Variants in MARCHF9 observed in about 807,000 individuals in gnomAD.
The protein encoded by MARCHF9 is E3 ubiquitin-protein ligase MARCHF9.
Under a neutral mutation model 35.2 loss-of-function variants are expected in MARCHF9, and 17 were observed. The ratio of observed to expected loss-of-function variants is 0.48; its 90% CI spans 0.33 to 0.72. MARCHF9 has a LOEUF of 0.72. MARCHF9 is among the 30% of genes least tolerant of loss of function. MARCHF9 has a pLI of 0.02. For missense variants in MARCHF9, 386 were observed against 478.2 expected, an observed-to-expected ratio of 0.81 and a Z score of 1.80; for synonymous variants, 183 against 207.4, an observed-to-expected ratio of 0.88 and a Z score of 1.01.
intron 1 of MARCHF9, 119 bp downstream of exon 1, chr12:57,756,004 G>A (rs1955284703): frequency 2.9e-6 from 2 of 678,472 alleles, no homozygotes; most frequent in Non-Finnish European, 4.2e-6. Context: ...ACACGGAGTG[G>A]GAATGGGGTG....
Position 57,759,062 on chromosome 12 carries a change from C to A in MARCHF9, c.*165C>A. ...TGGAGACATTGTCTGGCCTCACTGC[C>A]CACTGGGTAGAGACACCTGGATGAC... On this transcript the variant is annotated 3_prime_UTR_variant, in exon 4 of 4. Transcript: ENST00000266643. 1.5e-6 allele frequency: 1 copy of A among 684,072 alleles called. No individual in the cohort carries two copies. The highest frequency in any genetic ancestry group is 2.4e-6 in the Non-Finnish European group (1 of 421,964). The allele number at this position is 684,072 out of a possible 1,614,324, so 42.4% of individuals were successfully genotyped here.
chr12:57,759,032 C>A lies in MARCHF9; in HGVS notation c.*135C>A. 1.1e-6 allele frequency: 1 copy of A among 884,098 alleles called. No individual in the cohort carries two copies. Among genetic ancestry groups the A allele is most frequent in the Non-Finnish European group, 1.7e-6 (1 of 599,784 alleles). 54.8% of individuals were successfully genotyped at this position (884,098 alleles called of 1,614,324 possible). On this transcript the variant is annotated 3_prime_UTR_variant, in exon 4 of 4. Coordinates refer to ENST00000266643, the MANE Select transcript of MARCHF9 (RefSeq NM_138396.6). Reference sequence around the variant, plus strand: ...CACCGAGGATCTGTGTGGGTAGCCTCAAGCTGGAGACATTGTCTGGCCTCA... The same window carrying A: ...CACCGAGGATCTGTGTGGGTAGCCTAAAGCTGGAGACATTGTCTGGCCTCA...
Position 57,760,170 on chromosome 12 carries a change from G to A in MARCHF9, c.*1273G>A. The stretch of plus-strand genomic sequence containing the variant: ...ATTTCCATGGCAGTTTAGGGTCACA[G>A]GTTTGATCCCGGTGTGCCCAGCCAG... On this transcript the variant is annotated 3_prime_UTR_variant, in exon 4 of 4. Transcript: ENST00000266643. 6.6e-6 allele frequency: 1 copy of A among 152,238 alleles called. No individual in the cohort carries two copies. Among genetic ancestry groups the A allele is most frequent in the African/African-American group, 2.4e-5 (1 of 41,448 alleles). 9.4% of individuals were successfully genotyped at this position (152,238 alleles called of 1,614,324 possible).
At chr12:57,756,071 G>T (rs1415853689) in intron 1 of MARCHF9, 186 bp downstream of exon 1, 1 of 366,928 alleles carries the variant, frequency 2.7e-6, no homozygotes, top group African/African-American at 2.2e-5. Context: ...GAGGGTCAAG[G>T]GTCCCCAGGA....
Position 57,757,007 on chromosome 12 carries a change from G to C in MARCHF9, c.436G>C (p.Glu146Gln). Residue 146 changes from glutamate to glutamine, a missense_variant, in exon 2 of 4, where the codon GAG (glutamate) becomes CAG (glutamine). Physicochemically the swap from Glu to Gln is conservative, Grantham distance 29. Coordinates refer to ENST00000266643, the MANE Select transcript of MARCHF9 (RefSeq NM_138396.6). ...GCCCTGCCTCATCCGCTGGATCAGC[G>C]AGAGGGGCTCCTGGAGCTGTGAGCT... Reference protein sequence around the residue: ...HQPCLIRWISERGSWSCELCY... With the variant: ...HQPCLIRWISQRGSWSCELCY... 6.3e-7 allele frequency: 1 copy of C among 1,585,424 alleles called. No individual in the cohort carries two copies. Among genetic ancestry groups the C allele is most frequent in the Non-Finnish European group, 8.6e-7 (1 of 1,165,082 alleles).
In MARCHF9 at chr12:57,757,173, T is replaced by C. The variant is rs542824964; in HGVS notation, c.513+89T>C. ...CCTCCAGGAAGCCTATTTCATTTACTCTTTTCCCAAAGCCACCCTTCCCCG... is the reference window on the plus strand; with the variant it reads ...CCTCCAGGAAGCCTATTTCATTTACCCTTTTCCCAAAGCCACCCTTCCCCG... On this transcript the variant is annotated intron_variant, in intron 2 of 3. Transcript: ENST00000266643. 2.9e-6 allele frequency: 4 copies of C among 1,392,052 alleles called. No individual in the cohort carries two copies. The South Asian group carries it at 6.3e-5, about 22-fold the overall frequency. The allele number at this position is 1,392,052 out of a possible 1,614,324, so 86.2% of individuals were successfully genotyped here. A position where few individuals can be genotyped will look rare whatever the true frequency, so the allele number is the denominator to read the frequency against.
Position 57,759,227 on chromosome 12 carries a change from G to A in MARCHF9, c.*330G>A, listed in dbSNP as rs1429686450. 6.8e-6 allele frequency: 2 copies of A among 292,898 alleles called. No homozygotes were observed. Among genetic ancestry groups the A allele is most frequent in the Non-Finnish European group, 1.3e-5 (2 of 155,070 alleles). 18.1% of individuals were successfully genotyped at this position (292,898 alleles called of 1,614,324 possible). A position where few individuals can be genotyped will look rare whatever the true frequency, so the allele number is the denominator to read the frequency against. On this transcript the variant is annotated 3_prime_UTR_variant, in exon 4 of 4. Transcript: ENST00000266643. ...TCCAGCCCCCCAGCTCCACCACGGT[G>A]ACTTGGTGAAGGGGGACCAATGCCA...
Position 57,758,177 on chromosome 12 carries a change from C to A in MARCHF9, c.583C>A (p.Leu195Met), listed in dbSNP as rs1955298713. 1 of 1,614,238 alleles carries A rather than the reference C, an allele frequency of 6.2e-7. No individual in the cohort carries two copies. Among genetic ancestry groups the A allele is most frequent in the East Asian group, 2.2e-5 (1 of 44,878 alleles). ...TGCCATAGTTCTGGGCTCGCTCTTC[C>A]TGGTTGCCAGCATCTCCTGGCTCAT... is the stretch of plus-strand genomic sequence containing the variant. ...IAAIVLGSLF[L>M]VASISWLIWS... The change falls in exon 3 of 4, where the codon CTG becomes ATG. Residue 195 changes from leucine to methionine, a missense_variant. By Grantham distance (15) the Leu-to-Met change is conservative (BLOSUM62 2). Coordinates refer to ENST00000266643, the MANE Select transcript of MARCHF9 (RefSeq NM_138396.6). This position sits in a 1 kb window ranked among gnomAD's most constrained non-coding sequence, Gnocchi z 5.4.
chr12:57,758,414 G>A lies in MARCHF9; in HGVS notation c.706+114G>A. 3 of 1,369,740 alleles carry A rather than the reference G, an allele frequency of 2.2e-6. No individual in the cohort carries two copies. Among genetic ancestry groups the A allele is most frequent in the Non-Finnish European group, 3.0e-6 (3 of 1,016,490 alleles). The allele number at this position is 1,369,740 out of a possible 1,614,324, so 84.8% of individuals were successfully genotyped here. A position where few individuals can be genotyped will look rare whatever the true frequency, so the allele number is the denominator to read the frequency against. The stretch of plus-strand genomic sequence containing the variant: ...ATTTTCTGCCACTGTAGCCTTTAGT[G>A]CTATCCTGGTGCCCCCTCAACCCAC... On this transcript the variant is annotated intron_variant, in intron 3 of 3. Coordinates refer to ENST00000266643, the MANE Select transcript of MARCHF9 (RefSeq NM_138396.6). This position sits in a 1 kb window ranked among gnomAD's most constrained non-coding sequence, Gnocchi z 5.4.
rs908657338 is a variant in MARCHF9, at chr12:57,758,690, G to A, written c.834G>A (p.Thr278=). The A allele has an allele frequency of 1.2e-5, 20 of 1,612,720 alleles. No individual in the cohort carries two copies. The highest frequency in any genetic ancestry group is 2.2e-5 in the East Asian group (1 of 44,862). The change falls in exon 4 of 4, where the codon ACG becomes ACA. Residue 278 remains threonine (T), a synonymous_variant. Coordinates refer to ENST00000266643, the MANE Select transcript of MARCHF9 (RefSeq NM_138396.6). The surrounding 1 kb of genome is among the most constrained non-coding windows in gnomAD (Gnocchi z 5.4). The part of the protein sequence containing the change: ...KDIGGDAGGG[T]AGKSGPRNSR... The stretch of plus-strand genomic sequence containing the variant: ...TAGGAGGAGATGCAGGGGGAGGGAC[G>A]GCAGGGAAGTCAGGCCCCAGGAACT...
In MARCHF9 at chr12:57,758,350, A is replaced by G. The variant is rs1955299823; in HGVS notation, c.706+50A>G. On this transcript the variant is annotated intron_variant, in intron 3 of 3. Coordinates refer to ENST00000266643, the MANE Select transcript of MARCHF9 (RefSeq NM_138396.6). This position sits in a 1 kb window ranked among gnomAD's most constrained non-coding sequence, Gnocchi z 5.4. ...CCTGCTCTGTATCTTCCTCTTACAC[A>G]CCTAACTCCCCTGCCCATCCCCTCA... The G allele has an allele frequency of 1.3e-6, 2 of 1,552,414 alleles. No individual in the cohort carries two copies. Among genetic ancestry groups the G allele is most frequent in the Non-Finnish European group, 1.8e-6 (2 of 1,142,190 alleles).
rs1955310370 is a variant in MARCHF9 at position 57,760,120 on chromosome 12, T to C, written c.*1223T>C. On this transcript the variant is annotated 3_prime_UTR_variant, in exon 4 of 4. Coordinates refer to ENST00000266643, the MANE Select transcript of MARCHF9 (RefSeq NM_138396.6). Reference sequence around the variant, plus strand: ...GAGGGAATCCCCCCACTCAGTGTTATGAGTCTCCAACCCCAGTTTAAGCTA... The same window carrying C: ...GAGGGAATCCCCCCACTCAGTGTTACGAGTCTCCAACCCCAGTTTAAGCTA... 1 of 152,222 alleles carries C rather than the reference T, an allele frequency of 6.6e-6. No individual in the cohort carries two copies. Among genetic ancestry groups the C allele is most frequent in the Non-Finnish European group, 1.5e-5 (1 of 68,038 alleles). 9.4% of individuals were successfully genotyped at this position (152,222 alleles called of 1,614,324 possible).
chr12:57,757,174 CT>C, intron 2 of MARCHF9, 90 bp downstream of exon 2: 2 of 1,389,006 alleles, frequency 1.4e-6, no homozygotes, highest in Non-Finnish European at 9.5e-7. Context: ...TTCATTTACT[CT>C]TTTCCCAAAG....
chr12:57,758,366 C>T lies in MARCHF9; in HGVS notation c.706+66C>T. 1 of 1,513,402 alleles carries T rather than the reference C, an allele frequency of 6.6e-7. No individual in the cohort carries two copies. The highest frequency in any genetic ancestry group is 1.3e-5 in the South Asian group (1 of 79,334). 93.7% of individuals were successfully genotyped at this position (1,513,402 alleles called of 1,614,324 possible). ...CTCTTACACACCTAACTCCCCTGCC[C>T]ATCCCCTCAGTTTCCTGGCTTTATT... On this transcript the variant is annotated intron_variant, in intron 3 of 3. Transcript: ENST00000266643. The surrounding 1 kb of genome is among the most constrained non-coding windows in gnomAD (Gnocchi z 5.4).
Position 57,755,364 on chromosome 12 carries a change from C to T in MARCHF9, c.-165C>T. 1 of 382,926 alleles carries T rather than the reference C, an allele frequency of 2.6e-6. No homozygotes were observed. Among genetic ancestry groups the T allele is most frequent in the South Asian group, 1.0e-4 (1 of 9,902 alleles). 23.7% of individuals were successfully genotyped at this position (382,926 alleles called of 1,614,324 possible). A position where few individuals can be genotyped will look rare whatever the true frequency, so the allele number is the denominator to read the frequency against. The stretch of plus-strand genomic sequence containing the variant: ...CCAGCCCGCTCGGCCCCGCAAGCAC[C>T]GGAGCCCCGGCGGTGGCAGCAGTGA... On this transcript the variant is annotated 5_prime_UTR_variant, in exon 1 of 4. Coordinates refer to ENST00000266643, the MANE Select transcript of MARCHF9 (RefSeq NM_138396.6).
At chr12:57,757,766 G>A (rs1955296490) in intron 2 of MARCHF9, 1 of 590,262 alleles carries the variant, frequency 1.7e-6, no homozygotes, top group Non-Finnish European at 3.0e-6. Flanking sequence ...AATCTTATTA[G>A]ATACTATTAT....
In MARCHF9 at chr12:57,759,782, A is replaced by C. The variant is rs1230129802; in HGVS notation, c.*885A>C. 1.3e-5 allele frequency: 2 copies of C among 152,270 alleles called. No individual in the cohort carries two copies. Among genetic ancestry groups the C allele is most frequent in the Non-Finnish European group, 2.9e-5 (2 of 68,054 alleles). 9.4% of individuals were successfully genotyped at this position (152,270 alleles called of 1,614,324 possible). The stretch of plus-strand genomic sequence containing the variant: ...ATAGTTGATGGTCCATTTATTTCAA[A>C]TAGTAGCTGGTGTAACAAATTCTAA... On this transcript the variant is annotated 3_prime_UTR_variant, in exon 4 of 4. Transcript: ENST00000266643.
intron 2 of MARCHF9, chr12:57,757,815 TTTGAAAAC>T: frequency 1.7e-6 from 1 of 600,860 alleles, no homozygotes; most frequent in Non-Finnish European, 3.0e-6. Context: ...TGCACAAAGA[TTTGAAAAC>T]TTACCCAAGG....
In MARCHF9 at chr12:57,758,283, T is replaced by C; in HGVS notation, c.689T>C (p.Met230Thr). The part of the protein sequence containing the change: ...FQICYGMYGF[M>T]DVVCIGLIIH... The stretch of plus-strand genomic sequence containing the variant: ...ATCTGCTACGGCATGTATGGCTTCA[T>C]GGATGTCGTCTGCATAGGTGAGGGC... Residue 230 changes from methionine to threonine, a missense_variant, in exon 3 of 4, where the codon ATG becomes ACG. Around this residue, in one of 3 missense-constraint regions of MARCHF9, gnomAD observed 219 missense variants for 316.2 expected, o/e 0.69. Transcript: ENST00000266643. This position sits in a 1 kb window ranked among gnomAD's most constrained non-coding sequence, Gnocchi z 5.4. 1 of 1,611,148 alleles carries C rather than the reference T, an allele frequency of 6.2e-7. No individual in the cohort carries two copies. Among genetic ancestry groups the C allele is most frequent in the Non-Finnish European group, 8.5e-7 (1 of 1,177,412 alleles).
Sources: allele counts gnomAD v4.1 joint callset, GRCh38; gene constraint gnomAD v4.1.1; regional missense constraint gnomAD v4.1.1; non-coding constraint Gnocchi (gnomAD v3.1); transcripts MANE v1.5; gene names NCBI Gene and HGNC (gene_info 2026-07-23, HGNC 2026-07-21).